RNF217: variants seen among roughly 807,000 people sequenced by gnomAD.
RNF217 encodes E3 ubiquitin-protein ligase RNF217.
RNF217 carries 31 observed loss-of-function variants against 57.8 expected under a neutral mutation model. The ratio of observed to expected loss-of-function variants is 0.54; its 90% CI spans 0.40 to 0.72. RNF217 has a LOEUF of 0.72. RNF217 is among the 30% of genes least tolerant of loss of function. The pLI is 0.00. For synonymous variants in RNF217, 313 were observed against 294.0 expected, an observed-to-expected ratio of 1.06 and a Z score of -0.66; for missense variants, 696 against 708.3, an observed-to-expected ratio of 0.98 and a Z score of 0.20.
intron 1 of RNF217, among the ~76,000 whole-genome samples, chr6:124,981,684 T>C (rs1212115840): frequency 6.6e-6 from 1 of 152,060 alleles, no homozygotes; most frequent in Non-Finnish European, 1.5e-5. Context: ...TACGCTATCA[T>C]ATATTGCCAG....
At position 125,039,443 on chromosome 6, in the gene RNF217, C is replaced by G. The variant is rs111898147; in HGVS notation, c.883-5768C>G. Among the ~76,000 whole-genome samples, 793 of 152,206 alleles carry G rather than the reference C, an allele frequency of 5.2e-3. 12 individuals are homozygous for G. Among genetic ancestry groups the G allele is most frequent in the African/African-American group, 0.018 (767 of 41,530 alleles). On this transcript the variant is annotated intron_variant, in intron 1 of 5. Transcript: ENST00000521654. ...CACCCAATACAGGAGCACCCAGATT[C>G]ATAAAACGAGTTCTTAGAGACCTAC... is the stretch of plus-strand genomic sequence containing the variant.
chr6:125,033,038 T>C (rs1040028738), intron 1 of RNF217, among the ~76,000 whole-genome samples: 2 of 152,158 alleles, frequency 1.3e-5, no homozygotes, highest in Non-Finnish European at 2.9e-5. Context: ...CATTTTCATA[T>C]GCTCACTGGC....
At chr6:124,976,966 A>G (rs754306738) in intron 1 of RNF217, among the ~76,000 whole-genome samples, 1 of 152,204 alleles carries the variant, frequency 6.6e-6, no homozygotes, top group Non-Finnish European at 1.5e-5. Flanking sequence ...AAAGGATAGT[A>G]ATTTTTTCCT....
chr6:125,006,842 G>A (rs1253339657), intron 1 of RNF217, among the ~76,000 whole-genome samples: 1 of 152,146 alleles, frequency 6.6e-6, no homozygotes, highest in African/African-American at 2.4e-5. Context: ...CCAACTACTC[G>A]GGAGGCTGAG....
At position 124,963,210 on chromosome 6, in the gene RNF217, C is replaced by T; in HGVS notation, c.666C>T (p.Ser222=). 1 of 1,536,096 alleles carries T rather than the reference C, an allele frequency of 6.5e-7. No homozygotes were observed. Among genetic ancestry groups the T allele is most frequent in the African/African-American group, 1.4e-5 (1 of 73,188 alleles). The part of the protein sequence containing the change: ...PTDSLSPDGG[S]IELEFYLAPE... ...ATTCCCTCTCCCCCGACGGCGGCAGCATCGAGCTGGAGTTCTACCTGGCGC... is the reference window on the plus strand; with the variant it reads ...ATTCCCTCTCCCCCGACGGCGGCAGTATCGAGCTGGAGTTCTACCTGGCGC... Residue 222 remains serine (S), a synonymous_variant, in exon 1 of 6, where the codon AGC becomes AGT. Transcript: ENST00000521654.
intron 1 of RNF217, among the ~76,000 whole-genome samples, chr6:124,966,619 A>G (rs546773323): frequency 7.9e-5 from 12 of 152,370 alleles, no homozygotes; most frequent in African/African-American, 2.4e-4. Context: ...AAGAAAATAA[A>G]AGAGTCCCTA....
intron 1 of RNF217, among the ~76,000 whole-genome samples, chr6:124,966,858 A>G (rs919294842): frequency 6.6e-6 from 1 of 152,200 alleles, no homozygotes; most frequent in African/African-American, 2.4e-5. Context: ...AGACATAGCA[A>G]ATTAGATGGT....
chr6:125,034,043 T>C (rs1786488656), intron 1 of RNF217, among the ~76,000 whole-genome samples: 1 of 151,870 alleles, frequency 6.6e-6, no homozygotes, highest in South Asian at 2.1e-4. Context: ...GATGGGGTTG[T>C]TTGTTTTTTT....
At chr6:125,051,846 G>T (rs2114562234) in intron 2 of RNF217, among the ~76,000 whole-genome samples, 1 of 152,014 alleles carries the variant, frequency 6.6e-6, no homozygotes, top group Non-Finnish European at 1.5e-5. Context: ...CATTTTTCTG[G>T]CCAGGACTTT....
At chr6:125,061,139 C>G (rs1417657636) in intron 3 of RNF217, among the ~76,000 whole-genome samples, 3 of 151,808 alleles carry the variant, frequency 2.0e-5, no homozygotes, top group African/African-American at 7.3e-5. Context: ...TGATATTCAT[C>G]TAGAATTTTT....
intron 1 of RNF217, among the ~76,000 whole-genome samples, chr6:125,003,103 C>T (rs951086703): frequency 5.3e-5 from 8 of 152,002 alleles, no homozygotes; most frequent in Admixed American, 1.3e-4. Flanking sequence ...TAAACACACA[C>T]GCACACAAAC....
intron 4 of RNF217, 132 bp downstream of exon 4, chr6:125,076,990 C>A: frequency 1.3e-6 from 1 of 745,410 alleles, no homozygotes; most frequent in South Asian, 1.8e-5. Flanking sequence ...TATTCTCTCA[C>A]CCTTTAAGAA....
intron 3 of RNF217, among the ~76,000 whole-genome samples, chr6:125,072,146 G>T (rs775575509): frequency 3.3e-5 from 5 of 152,162 alleles, no homozygotes; most frequent in Non-Finnish European, 7.4e-5. Context: ...GGTAGTACGA[G>T]TTTAAAATTA....
chr6:125,054,693 A>T (rs1329500188), intron 2 of RNF217, among the ~76,000 whole-genome samples: 3 of 152,146 alleles, frequency 2.0e-5, no homozygotes, highest in African/African-American at 7.2e-5. Context: ...GGTCCAATAA[A>T]TTGTGGCCTG....
At chr6:125,036,525 A>T (rs564434674) in intron 1 of RNF217, among the ~76,000 whole-genome samples, 18 of 152,266 alleles carry the variant, frequency 1.2e-4, no homozygotes, top group African/African-American at 4.1e-4. Context: ...GACAAATGGG[A>T]TCTAATTAAA....
intron 1 of RNF217, among the ~76,000 whole-genome samples, chr6:124,964,096 T>A (rs1783427774): frequency 6.6e-6 from 1 of 152,254 alleles, no homozygotes; most frequent in Non-Finnish European, 1.5e-5. Context: ...TTTCCTCCTC[T>A]GCTTTTATTT....
At chr6:124,998,459 A>G (rs1784832698) in intron 1 of RNF217, among the ~76,000 whole-genome samples, 1 of 152,282 alleles carries the variant, frequency 6.6e-6, no homozygotes, top group African/African-American at 2.4e-5. Flanking sequence ...GAATTTCTCT[A>G]CCATTTTTCT....
intron 1 of RNF217, among the ~76,000 whole-genome samples, chr6:124,987,416 A>C (rs1784402222): frequency 6.6e-6 from 1 of 152,114 alleles, no homozygotes; most frequent in African/African-American, 2.4e-5. Flanking sequence ...CTAAGAAACC[A>C]TGAATCTAGT....
chr6:125,007,064 T>C (rs1056063913), intron 1 of RNF217, among the ~76,000 whole-genome samples: 63 of 152,350 alleles, frequency 4.1e-4, no homozygotes, highest in African/African-American at 1.5e-3. Flanking sequence ...AGACAATTAA[T>C]TCTGAGATTT....
Sources: allele counts gnomAD v4.1 joint callset (sites outside exome capture counted in the v4.1 genomes callset), GRCh38; gene constraint gnomAD v4.1.1; transcripts MANE v1.5; gene names NCBI Gene and HGNC (gene_info 2026-07-23, HGNC 2026-07-21).